The following ELP3 variants were observed in gnomAD, a reference collection of about 807,000 sequenced individuals.
ELP3 encodes the protein elongator acetyltransferase complex subunit 3.
A neutral mutation model predicts 74.9 loss-of-function variants in ELP3; 56 were observed. The ratio of observed to expected loss-of-function variants is 0.75; its 90% CI spans 0.60 to 0.93. The LOEUF (loss-of-function observed/expected upper bound fraction) is 0.93. ELP3 is among the 40% of genes least tolerant of loss of function. The probability of loss-of-function intolerance (pLI) is 0.00; values close to 1 mark genes in which losing one functional copy is unlikely to be tolerated. For missense variants in ELP3, 573 were observed against 686.5 expected (o/e 0.83, Z 1.85); for synonymous variants, 222 against 239.8 (o/e 0.93, Z 0.68).
chr8:28,173,783 A>G (rs1002120771), intron 14 of ELP3, among the ~76,000 whole-genome samples: 1 of 151,864 alleles, frequency 6.6e-6, no homozygotes, highest in Non-Finnish European at 1.5e-5. Context: ...GCTGCATCCT[A>G]TAAGTTTGGA....
intron 13 of ELP3, 53 bp downstream of exon 13, chr8:28,160,509 A>T: frequency 1.3e-6 from 2 of 1,503,554 alleles, no homozygotes; most frequent in Non-Finnish European, 1.8e-6. Flanking sequence ...TAAGTAGGAA[A>T]AGAGAAAAGG....
intron 10 of ELP3, among the ~76,000 whole-genome samples, chr8:28,146,726 T>G (rs185901330): frequency 6.6e-6 from 1 of 152,324 alleles, no homozygotes; most frequent in East Asian, 1.9e-4. Flanking sequence ...TAGAATTATC[T>G]CTTTTCATTT....
chr8:28,146,478 A>G (rs1274259947), intron 10 of ELP3, among the ~76,000 whole-genome samples: 7 of 152,228 alleles, frequency 4.6e-5, no homozygotes, highest in Non-Finnish European at 8.8e-5. Flanking sequence ...ACCTGTTGAA[A>G]TAGAACAGTG....
At chr8:28,099,788 A>G (rs375217411) in intron 2 of ELP3, 40 bp from the exon 3 acceptor site, 20 of 1,612,576 alleles carry the variant, frequency 1.2e-5, no homozygotes, top group Admixed American at 1.7e-5. Flanking sequence ...TTGTCCTTAA[A>G]TAACCGTAAT....
At chr8:28,167,219 A>G (rs1814340582) in intron 14 of ELP3, among the ~76,000 whole-genome samples, 1 of 152,152 alleles carries the variant, frequency 6.6e-6, no homozygotes. Context: ...TAGTTATATG[A>G]CCCTAAAACT....
At chr8:28,119,115 C>G (rs1227213207) in intron 7 of ELP3, 1 of 152,256 alleles carries the variant, frequency 6.6e-6, no homozygotes, top group Non-Finnish European at 1.5e-5. Flanking sequence ...CATTTCTGGG[C>G]TTTGACGCTG....
At chr8:28,145,354 A>C (rs1339418203) in intron 10 of ELP3, among the ~76,000 whole-genome samples, 2 of 152,238 alleles carry the variant, frequency 1.3e-5, no homozygotes, top group Non-Finnish European at 2.9e-5. Flanking sequence ...ATTTGATATT[A>C]GTTATGTCTT....
intron 14 of ELP3, among the ~76,000 whole-genome samples, chr8:28,180,677 C>A (rs1490270718): frequency 1.3e-5 from 2 of 152,138 alleles, no homozygotes; most frequent in African/African-American, 2.4e-5. Context: ...GTGATGCTAG[C>A]TTCCTCCAAG....
At chr8:28,138,251 A>G (rs1427020763) in intron 10 of ELP3, among the ~76,000 whole-genome samples, 5 of 152,180 alleles carry the variant, frequency 3.3e-5, no homozygotes, top group Non-Finnish European at 5.9e-5. Flanking sequence ...CCGTGTGTGC[A>G]ATCTCTGTTC....
intron 2 of ELP3, 63 bp downstream of exon 2, chr8:28,097,381 TCTA>T: frequency 1.9e-6 from 2 of 1,065,910 alleles, no homozygotes; most frequent in Admixed American, 4.1e-5. Flanking sequence ...TATGAAATTA[TCTA>T]GTACTACTTG....
At chr8:28,118,804 C>G (rs960567771) in intron 7 of ELP3, 1 of 152,098 alleles carries the variant, frequency 6.6e-6, no homozygotes, top group Non-Finnish European at 1.5e-5. Context: ...GGGTAGTTAC[C>G]CATTAAAAAG....
At chr8:28,110,535 A>T (rs1811876606) in intron 6 of ELP3, 97 bp downstream of exon 6, 1 of 1,108,666 alleles carries the variant, frequency 9.0e-7, no homozygotes, top group East Asian at 2.5e-5. Context: ...AATAAGAATG[A>T]AAAAGGTGTT....
rs929579470 is a variant in ELP3, at chr8:28,147,038, C to T, written c.1101-8904C>T. 2.0e-5 allele frequency among the ~76,000 whole-genome samples: 3 copies of T among 152,144 alleles called. No homozygotes were observed. In the East Asian group the frequency reaches 5.8e-4, roughly 29 times the overall value. ...CACTTGGCTTAATATTCTGCTGTCA[C>T]CGTCTTGAAATTATTAATAATTTTT... On this transcript the variant is annotated intron_variant, in intron 10 of 14. Coordinates refer to ENST00000256398, the MANE Select transcript of ELP3 (RefSeq NM_018091.6). The surrounding 1 kb of genome is among the most constrained non-coding windows in gnomAD (Gnocchi z 4.5).
chr8:28,091,247 C>G (rs1052487666), upstream of ELP3, among the ~76,000 whole-genome samples: 4 of 152,092 alleles, frequency 2.6e-5, no homozygotes, highest in African/African-American at 9.7e-5. Context: ...GTTCTGTGCT[C>G]TATCAGCCTT....
intron 10 of ELP3, among the ~76,000 whole-genome samples, chr8:28,150,989 G>T (rs1378013524): frequency 6.6e-6 from 1 of 152,114 alleles, no homozygotes; most frequent in Non-Finnish European, 1.5e-5. Context: ...TGTCTAGGCT[G>T]GTCTCAAACT....
intron 14 of ELP3, among the ~76,000 whole-genome samples, chr8:28,170,772 G>A (rs947723955): frequency 1.3e-5 from 2 of 152,106 alleles, no homozygotes; most frequent in African/African-American, 2.4e-5. Context: ...ATTTTTAAGT[G>A]TATAAATCAG....
intron 7 of ELP3, among the ~76,000 whole-genome samples, chr8:28,122,199 T>C (rs1264856527): frequency 6.6e-6 from 1 of 152,224 alleles, no homozygotes; most frequent in Non-Finnish European, 1.5e-5. Flanking sequence ...TTGCTAATAC[T>C]TTGTAGAGGA....
At chr8:28,157,620 C>G (rs981504445) in intron 11 of ELP3, among the ~76,000 whole-genome samples, 1 of 152,124 alleles carries the variant, frequency 6.6e-6, no homozygotes, top group African/African-American at 2.4e-5. Context: ...AATACTATTA[C>G]TAGAAAAGCT....
intron 7 of ELP3, among the ~76,000 whole-genome samples, chr8:28,115,155 T>C (rs141249067): frequency 2.0e-5 from 3 of 152,042 alleles, no homozygotes; most frequent in African/African-American, 7.2e-5. Context: ...AGTTCTGTTT[T>C]GGATGTGTGA....
Sources: gnomAD v4.1 joint callset for allele counts (sites outside exome capture counted in the v4.1 genomes callset) on GRCh38, gnomAD v4.1.1 for gene constraint, Gnocchi (gnomAD v3.1) non-coding constraint, MANE v1.5 for transcripts, NCBI Gene and HGNC (gene_info 2026-07-23, HGNC 2026-07-21) for gene names.